Variants in KDM7A observed in about 807,000 individuals in gnomAD.
The protein encoded by KDM7A is lysine-specific demethylase 7A.
Under a neutral mutation model 114.8 loss-of-function variants are expected in KDM7A, and 28 were observed. The ratio of observed to expected loss-of-function variants is 0.24; its 90% CI spans 0.18 to 0.33. The LOEUF is 0.33. Ranked by LOEUF, KDM7A falls within the 10% of genes least tolerant of loss-of-function variation. The pLI is 1.00. For missense variants in KDM7A, 942 were observed against 1,142.5 expected, an observed-to-expected ratio of 0.82 and a Z score of 2.53; for synonymous variants, 423 against 397.8, an observed-to-expected ratio of 1.06 and a Z score of -0.75.
intron 7 of KDM7A, among the ~76,000 whole-genome samples, chr7:140,121,167 G>A (rs997510910): frequency 2.6e-5 from 4 of 151,946 alleles, no homozygotes; most frequent in Non-Finnish European, 4.4e-5. Context: ...AATTATGAAG[G>A]GTTATGGTCC....
intron 1 of KDM7A, among the ~76,000 whole-genome samples, chr7:140,163,096 G>A (rs1206985309): frequency 2.7e-5 from 4 of 149,838 alleles, no homozygotes; most frequent in South Asian, 4.2e-4. Context: ...CCGGGTTCAC[G>A]CCATTCTCCT....
intron 1 of KDM7A, among the ~76,000 whole-genome samples, chr7:140,155,636 G>A (rs1394042345): frequency 6.6e-6 from 1 of 152,166 alleles, no homozygotes; most frequent in African/African-American, 2.4e-5. Flanking sequence ...GTGGGAACTG[G>A]TCAAAGCAGA....
chr7:140,105,751 T>C (rs1450369634), intron 11 of KDM7A, among the ~76,000 whole-genome samples: 1 of 152,198 alleles, frequency 6.6e-6, no homozygotes, highest in African/African-American at 2.4e-5. Flanking sequence ...TAAAATTCTC[T>C]TTTTTTGTTG....
intron 1 of KDM7A, among the ~76,000 whole-genome samples, chr7:140,173,886 G>A (rs1029377993): frequency 3.9e-5 from 6 of 152,162 alleles, no homozygotes; most frequent in African/African-American, 1.4e-4. Context: ...TTACTAGGCC[G>A]GGCAGGGTGG....
At chr7:140,135,454 G>A (rs2116815418) in intron 2 of KDM7A, among the ~76,000 whole-genome samples, 1 of 152,136 alleles carries the variant, frequency 6.6e-6, no homozygotes, top group South Asian at 2.1e-4. Flanking sequence ...GCCCACCTTG[G>A]CCTCCCAAAG....
At chr7:140,111,816 A>G (rs1962782) in intron 10 of KDM7A, among the ~76,000 whole-genome samples, 52,648 of 151,918 alleles carry the variant, frequency 0.35, 9,379 homozygotes, top group Middle Eastern at 0.43. Context: ...AAACTAAGCC[A>G]GGCGTGGAAT....
rs1818025061 is a variant in KDM7A, at chr7:140,091,795, G to A, written c.2731+9C>T. The A allele has an allele frequency of 1.2e-6, 2 of 1,610,698 alleles. No homozygotes were observed. The highest frequency in any genetic ancestry group is 1.7e-5 in the Admixed American group (1 of 58,810). On this transcript the variant is annotated intron_variant, in intron 19 of 19. Transcript: ENST00000397560. ...AAATATACTTTCTCTATACATGTGT[G>A]AAAGTTACCTTTTGTTGCCTGGTTG...
rs148158551 is a variant in KDM7A at position 140,120,233 on chromosome 7, TTGTTG to T, written c.1139+204_1139+208del. ...TATCTGAATAAGTTCCCTTTTGTTG[TTGTTG>T]TTTTAGATTTGAAATGCAAATTATC... is the stretch of plus-strand genomic sequence containing the variant. On this transcript the variant is annotated intron_variant, in intron 8 of 19. Coordinates refer to ENST00000397560, the MANE Select transcript of KDM7A (RefSeq NM_030647.2). Among the ~76,000 whole-genome samples the T allele has an allele frequency of 9.2e-3, 1,394 of 152,326 alleles. 20 individuals carry two copies. Among genetic ancestry groups the T allele is most frequent in the African/African-American group, 0.033 (1,356 of 41,560 alleles).
intron 3 of KDM7A, among the ~76,000 whole-genome samples, chr7:140,131,443 G>A (rs1818785233): frequency 6.6e-6 from 1 of 152,148 alleles, no homozygotes; most frequent in African/African-American, 2.4e-5. Flanking sequence ...GATGTCATCT[G>A]CTGCCTAGGT....
At chr7:140,175,344 T>C (rs1794690738) in intron 1 of KDM7A, among the ~76,000 whole-genome samples, 1 of 152,116 alleles carries the variant, frequency 6.6e-6, no homozygotes, top group Non-Finnish European at 1.5e-5. Flanking sequence ...GGCCTGGTCT[T>C]GTAGTGTTTC....
intron 7 of KDM7A, among the ~76,000 whole-genome samples, 197 bp from the exon 8 acceptor site, chr7:140,120,726 G>A (rs1818606626): frequency 6.6e-6 from 1 of 152,184 alleles, no homozygotes; most frequent in African/African-American, 2.4e-5. Flanking sequence ...TCTATGCTGA[G>A]TTTGAGAAAT....
chr7:140,105,088 T>C (rs1290772273), intron 11 of KDM7A, among the ~76,000 whole-genome samples: 1 of 152,150 alleles, frequency 6.6e-6, no homozygotes, highest in African/African-American at 2.4e-5. Flanking sequence ...TTGGCTCTGT[T>C]TGTCTGTTAT....
intron 6 of KDM7A, 63 bp downstream of exon 6, chr7:140,126,574 C>G: frequency 1.1e-6 from 1 of 947,450 alleles, no homozygotes; most frequent in African/African-American, 1.7e-5. Context: ...AATGAATATA[C>G]CACTGAAAAA....
chr7:140,105,324 T>C (rs889899282), intron 11 of KDM7A, among the ~76,000 whole-genome samples: 18 of 152,200 alleles, frequency 1.2e-4, no homozygotes, highest in Admixed American at 1.1e-3. Flanking sequence ...TCCAACACTA[T>C]GTTGAATAGG....
At chr7:140,159,470 G>A (rs1024892772) in intron 1 of KDM7A, among the ~76,000 whole-genome samples, 2 of 152,212 alleles carry the variant, frequency 1.3e-5, no homozygotes, top group Non-Finnish European at 2.9e-5. Context: ...TGGATGAGTG[G>A]ATGGGATCTA....
chr7:140,115,262 C>T (rs1818507529), intron 9 of KDM7A, among the ~76,000 whole-genome samples: 1 of 152,180 alleles, frequency 6.6e-6, no homozygotes, highest in Non-Finnish European at 1.5e-5. Flanking sequence ...TGAGGAGCCC[C>T]TCTGCCCAGC....
At position 140,096,944 on chromosome 7, in the gene KDM7A, A is replaced by G. The variant is rs1818125570; in HGVS notation, c.2120T>C (p.Leu707Pro). 1 of 1,613,888 alleles carries G rather than the reference A, an allele frequency of 6.2e-7. No individual in the cohort carries two copies. Among genetic ancestry groups the G allele is most frequent in the Non-Finnish European group, 8.5e-7 (1 of 1,179,834 alleles). ...TCTAGATGGCTTCTGGCTCTTTTGAAGGAAGTTCCTCATCACATTAGATTC... is the reference window on the plus strand; with the variant it reads ...TCTAGATGGCTTCTGGCTCTTTTGAGGGAAGTTCCTCATCACATTAGATTC... The part of the protein sequence containing the change: ...KEESNVMRNF[L>P]QKSQKPSRSE... The change falls in exon 16 of 20, where the codon CTT becomes CCT. Residue 707 changes from leucine to proline, a missense_variant. Around this residue, in one of 4 missense-constraint regions of KDM7A, gnomAD observed 512 missense variants for 576.6 expected, o/e 0.89. Coordinates refer to ENST00000397560, the MANE Select transcript of KDM7A (RefSeq NM_030647.2).
chr7:140,133,675 A>T lies in KDM7A; in HGVS notation c.281-19T>A, dbSNP rs774143378. ...TTTTTCACTGGATTTTTAAAAGATTAAAAAAAAATGATTTTGGTAACTGGT... is the reference window on the plus strand; with the variant it reads ...TTTTTCACTGGATTTTTAAAAGATTTAAAAAAAATGATTTTGGTAACTGGT... On this transcript the variant is annotated intron_variant, in intron 2 of 19. Transcript: ENST00000397560. The T allele has an allele frequency of 2.8e-5, 35 of 1,235,600 alleles. No individual in the cohort carries two copies. In the Admixed American group the frequency reaches 3.0e-4, roughly 11 times the overall value. The allele number at this position is 1,235,600 out of a possible 1,614,324, so 76.5% of individuals were successfully genotyped here.
At chr7:140,164,665 CTG>C (rs1310584082) in intron 1 of KDM7A, among the ~76,000 whole-genome samples, 3 of 152,234 alleles carry the variant, frequency 2.0e-5, no homozygotes, top group East Asian at 1.9e-4. Context: ...TATTAAGAAA[CTG>C]TTAACTATTT....
Sources: gnomAD v4.1 joint callset for allele counts (sites outside exome capture counted in the v4.1 genomes callset) on GRCh38, gnomAD v4.1.1 for gene constraint, gnomAD v4.1.1 regional missense constraint, MANE v1.5 for transcripts, NCBI Gene and HGNC (gene_info 2026-07-23, HGNC 2026-07-21) for gene names.